FER1L6: variants seen among roughly 807,000 people sequenced by gnomAD.
The protein encoded by FER1L6 is fer-1 like family member 6.
A neutral mutation model predicts 219.2 loss-of-function variants in FER1L6; 177 were observed. The observed-to-expected ratio is 0.81, with a 90% CI of 0.71 to 0.91. The LOEUF (loss-of-function observed/expected upper bound fraction) is 0.91. Ranked by LOEUF, FER1L6 falls within the 40% of genes least tolerant of loss-of-function variation. FER1L6 has a pLI of 0.00. For missense variants in FER1L6, 2,153 were observed against 2,259.9 expected (o/e 0.95, Z 0.96); for synonymous variants, 768 against 824.3 (o/e 0.93, Z 1.17).
chr8:124,112,760 T>C (rs1198182161), intron 39 of FER1L6, among the ~76,000 whole-genome samples: 1 of 152,206 alleles, frequency 6.6e-6, no homozygotes, highest in African/African-American at 2.4e-5. Context: ...GATAAATTCT[T>C]AGCATCCTGA....
At chr8:123,871,308 G>A (rs954398899) in intron 1 of FER1L6, among the ~76,000 whole-genome samples, 6 of 152,132 alleles carry the variant, frequency 3.9e-5, no homozygotes, top group Non-Finnish European at 5.9e-5. Context: ...AACACACCTG[G>A]CACTCAGATC....
At chr8:123,957,115 G>T (rs1815056471) in intron 2 of FER1L6, among the ~76,000 whole-genome samples, 1 of 152,144 alleles carries the variant, frequency 6.6e-6, no homozygotes, top group Admixed American at 6.5e-5. Flanking sequence ...CACTCCTCTT[G>T]TCTCCTGGGA....
intron 13 of FER1L6, among the ~76,000 whole-genome samples, chr8:124,006,239 G>A (rs1418063087): frequency 6.6e-6 from 1 of 152,192 alleles, no homozygotes; most frequent in Admixed American, 6.5e-5. Flanking sequence ...ATTGGTGGGG[G>A]TTTCAGGGGA....
chr8:124,026,333 T>C (rs563490192), intron 18 of FER1L6, among the ~76,000 whole-genome samples: 2 of 152,346 alleles, frequency 1.3e-5, no homozygotes, highest in African/African-American at 4.8e-5. Context: ...AGTTCTGGTT[T>C]CTTGCTATAA....
chr8:123,890,552 T>G (rs1377106587), intron 1 of FER1L6, among the ~76,000 whole-genome samples: 1 of 151,662 alleles, frequency 6.6e-6, no homozygotes, highest in Non-Finnish European at 1.5e-5. Flanking sequence ...TTTATTTTGT[T>G]TATTTAGAAT....
chr8:123,895,594 C>T (rs948197946), intron 1 of FER1L6, among the ~76,000 whole-genome samples: 4 of 152,096 alleles, frequency 2.6e-5, no homozygotes, highest in Non-Finnish European at 4.4e-5. Context: ...GATCTTACCA[C>T]GGCATTATAC....
At chr8:123,978,182 C>A (rs928056937) in intron 10 of FER1L6, among the ~76,000 whole-genome samples, 31 of 152,254 alleles carry the variant, frequency 2.0e-4, no homozygotes, top group African/African-American at 5.3e-4. Flanking sequence ...AGTCAGTCTT[C>A]CCATAATTGA....
chr8:124,001,071 G>C (rs975316577), intron 12 of FER1L6, among the ~76,000 whole-genome samples: 2 of 152,130 alleles, frequency 1.3e-5, no homozygotes, highest in African/African-American at 4.8e-5. Flanking sequence ...ATGGTCATAC[G>C]TGAAAAAATG....
At position 124,105,660 on chromosome 8, in the gene FER1L6, C is replaced by T. The variant is rs192585812; in HGVS notation, c.5289+2351C>T. Among the ~76,000 whole-genome samples, 68 of 152,280 alleles carry T rather than the reference C, an allele frequency of 4.5e-4. No homozygotes were observed. The East Asian group carries it at 5.6e-3, about 13-fold the overall frequency. On this transcript the variant is annotated intron_variant, in intron 39 of 40. Transcript: ENST00000522917. ...ACAAAGATGTGCCCATTGGACTTAA[C>T]GGCATGGAGGTTCCCGGTGACCTTT...
In FER1L6 at chr8:123,968,101, C is replaced by T. The variant is rs551652857; in HGVS notation, c.384+1811C>T. ...TTCCTCTTCATCATTTCTGCCTCTG[C>T]GCCTCTGACTATAAATGAAATGTCA... is the stretch of plus-strand genomic sequence containing the variant. On this transcript the variant is annotated intron_variant, in intron 5 of 40. Coordinates refer to ENST00000522917, the MANE Select transcript of FER1L6 (RefSeq NM_001039112.2). Among the ~76,000 whole-genome samples, 11 of 152,236 alleles carry T rather than the reference C, an allele frequency of 7.2e-5. No homozygotes were observed. In the South Asian group the frequency reaches 1.7e-3, roughly 23 times the overall value.
intron 1 of FER1L6, among the ~76,000 whole-genome samples, chr8:123,921,819 A>T (rs1283586429): frequency 6.6e-6 from 1 of 152,108 alleles, no homozygotes; most frequent in Non-Finnish European, 1.5e-5. Context: ...TGATGGCATC[A>T]GGAAAGGGGT....
At chr8:124,009,119 T>C (rs142650657) in intron 13 of FER1L6, among the ~76,000 whole-genome samples, 102 of 152,284 alleles carry the variant, frequency 6.7e-4, no homozygotes, top group African/African-American at 2.3e-3. Flanking sequence ...ATGGAATACA[T>C]TTATTATCTT....
At chr8:124,001,509 A>G (rs1482774051) in intron 12 of FER1L6, among the ~76,000 whole-genome samples, 3 of 152,214 alleles carry the variant, frequency 2.0e-5, no homozygotes, top group Non-Finnish European at 4.4e-5. Context: ...AGGTCAAACA[A>G]CCACCTCAGC....
In FER1L6 at chr8:124,035,455, G is replaced by T; in HGVS notation, c.2464+1G>T. On this transcript the variant is annotated splice_donor_variant, in intron 19 of 40. Transcript: ENST00000522917. LOFTEE classifies it high-confidence loss of function. ...CCCCCATCTAACCTGCTCTACCAAGGTAGGGTCCCCACTGGGCAAAGAGGG... is the reference window on the plus strand; with the variant it reads ...CCCCCATCTAACCTGCTCTACCAAGTTAGGGTCCCCACTGGGCAAAGAGGG... 2.5e-6 allele frequency: 4 copies of T among 1,611,804 alleles called. No homozygotes were observed. The highest frequency in any genetic ancestry group is 3.4e-6 in the Non-Finnish European group (4 of 1,179,356).
At chr8:123,947,939 G>A (rs1036685957) in intron 1 of FER1L6, among the ~76,000 whole-genome samples, 2 of 152,180 alleles carry the variant, frequency 1.3e-5, no homozygotes, top group Non-Finnish European at 2.9e-5. Context: ...GTGAGCAATG[G>A]TTCGTGGACA....
chr8:123,989,201 A>G (rs1301942153), intron 12 of FER1L6, among the ~76,000 whole-genome samples: 1 of 152,006 alleles, frequency 6.6e-6, no homozygotes, highest in African/African-American at 2.4e-5. Context: ...GATATTTTTA[A>G]TGTGTTGTTG....
chr8:124,004,761 G>A (rs530331458), intron 13 of FER1L6, among the ~76,000 whole-genome samples: 33 of 152,246 alleles, frequency 2.2e-4, no homozygotes, highest in African/African-American at 7.7e-4. Flanking sequence ...CACTTTGGGA[G>A]GCCGAGGCGG....
intron 25 of FER1L6, among the ~76,000 whole-genome samples, chr8:124,063,700 T>C (rs563190164): frequency 1.3e-5 from 2 of 152,280 alleles, no homozygotes; most frequent in Non-Finnish European, 2.9e-5. Context: ...GAATTTGCTG[T>C]TGGAAAGTCA....
intron 1 of FER1L6, among the ~76,000 whole-genome samples, chr8:123,955,594 C>T (rs1814977114): frequency 6.6e-6 from 1 of 152,236 alleles, no homozygotes; most frequent in Admixed American, 6.5e-5. Context: ...ATTGCCCGGC[C>T]TCTCTGGGCC....
Sources: allele counts gnomAD v4.1 joint callset (sites outside exome capture counted in the v4.1 genomes callset), GRCh38; gene constraint gnomAD v4.1.1; transcripts MANE v1.5; gene names NCBI Gene and HGNC (gene_info 2026-07-23, HGNC 2026-07-21).